The following CHRNA7 variants were observed in gnomAD, a reference collection of about 807,000 sequenced individuals.
CHRNA7 encodes the protein neuronal acetylcholine receptor subunit alpha-7.
CHRNA7 carries 17 observed loss-of-function variants against 48.0 expected under a neutral mutation model. The observed-to-expected ratio is 0.35, with a 90% CI of 0.24 to 0.53. The LOEUF (loss-of-function observed/expected upper bound fraction) is 0.53, where lower values mean the gene tolerates loss of function less well. Ranked by LOEUF, CHRNA7 falls within the 20% of genes least tolerant of loss-of-function variation. The probability of loss-of-function intolerance (pLI) is 0.92; values close to 1 mark genes in which losing one functional copy is unlikely to be tolerated. For synonymous variants in CHRNA7, 75 were observed against 242.3 expected (o/e 0.31, Z 6.41); for missense variants, 155 against 577.7 (o/e 0.27, Z 7.50).
intron 2 of CHRNA7, among the ~76,000 whole-genome samples, chr15:32,038,370 T>C (rs1275129153): frequency 6.6e-6 from 1 of 150,972 alleles, no homozygotes; most frequent in East Asian, 2.0e-4. Flanking sequence ...TATGTCAAAA[T>C]TGTTTTCATC....
intron 2 of CHRNA7, among the ~76,000 whole-genome samples, chr15:32,032,771 G>T (rs1901905419): frequency 6.6e-6 from 1 of 152,174 alleles, no homozygotes; most frequent in African/African-American, 2.4e-5. Context: ...TAGAGGAACA[G>T]GAGGAAGTCA....
At chr15:32,127,263 GCTTCT>G (rs1431404809) in intron 4 of CHRNA7, among the ~76,000 whole-genome samples, 2 of 152,120 alleles carry the variant, frequency 1.3e-5, no homozygotes, top group African/African-American at 4.8e-5. Context: ...TGCAATCATA[GCTTCT>G]ATAACATCCA....
In CHRNA7 at chr15:32,058,074, T is replaced by C. The variant is rs574066258; in HGVS notation, c.195+27037T>C. On this transcript the variant is annotated intron_variant, in intron 2 of 9. Transcript: ENST00000306901. ...CTTAGTGATTTAGGCCAGGGAGTGA[T>C]TTACACTGACTAGTGGTCCTAGGAG... Among the ~76,000 whole-genome samples, 22 of 152,296 alleles carry C rather than the reference T, an allele frequency of 1.4e-4. No homozygotes were observed. In the South Asian group the frequency reaches 4.6e-3, roughly 32 times the overall value.
intron 4 of CHRNA7, among the ~76,000 whole-genome samples, chr15:32,132,747 C>T (rs890708435): frequency 3.3e-5 from 5 of 152,140 alleles, no homozygotes; most frequent in African/African-American, 9.7e-5. Flanking sequence ...GAATAGGGCT[C>T]TACCCCTGTG....
At chr15:32,042,503 G>T (rs980753554) in intron 2 of CHRNA7, among the ~76,000 whole-genome samples, 4 of 152,174 alleles carry the variant, frequency 2.6e-5, no homozygotes, top group Admixed American at 2.6e-4. Flanking sequence ...AGAGCTTCTG[G>T]AGGTAAATCT....
chr15:32,095,330 A>G (rs1198679780), intron 2 of CHRNA7, among the ~76,000 whole-genome samples: 1 of 152,198 alleles, frequency 6.6e-6, no homozygotes, highest in Admixed American at 6.5e-5. Flanking sequence ...ACGTTATTGA[A>G]GATCCTCTAA....
chr15:32,066,253 G>C (rs748016467), intron 2 of CHRNA7, among the ~76,000 whole-genome samples: 1 of 152,104 alleles, frequency 6.6e-6, no homozygotes, highest in East Asian at 1.9e-4. Context: ...AGGGTTGGAG[G>C]ATATACTTTC....
At chr15:32,119,992 C>A (rs78340891) in intron 4 of CHRNA7, among the ~76,000 whole-genome samples, 1 of 152,292 alleles carries the variant, frequency 6.6e-6, no homozygotes, top group Admixed American at 6.5e-5. Flanking sequence ...CCTACTTGCC[C>A]GCAGCTCCTG....
At chr15:32,104,278 C>T (rs1386808017) in intron 3 of CHRNA7, among the ~76,000 whole-genome samples, 5 of 152,054 alleles carry the variant, frequency 3.3e-5, no homozygotes, top group African/African-American at 9.7e-5. Context: ...CCGTGCCCCC[C>T]CCTCAGGGCC....
chr15:32,104,409 G>A (rs1273650960), intron 3 of CHRNA7, among the ~76,000 whole-genome samples: 2 of 152,120 alleles, frequency 1.3e-5, no homozygotes, highest in South Asian at 2.1e-4. Context: ...TTTGAGCTCC[G>A]ATGTACTGTC....
At chr15:32,146,315 GT>G (rs1182716943) in intron 4 of CHRNA7, among the ~76,000 whole-genome samples, 1 of 152,148 alleles carries the variant, frequency 6.6e-6, no homozygotes, top group Non-Finnish European at 1.5e-5. Context: ...TGACATAGGG[GT>G]CTCACTTAAT....
intron 2 of CHRNA7, among the ~76,000 whole-genome samples, chr15:32,081,412 T>G (rs1376220154): frequency 6.6e-6 from 1 of 152,228 alleles, no homozygotes; most frequent in Non-Finnish European, 1.5e-5. Context: ...TTTGTTTATC[T>G]TTTTTATATT....
chr15:32,071,596 C>A (rs994218635), intron 2 of CHRNA7, among the ~76,000 whole-genome samples: 7 of 152,066 alleles, frequency 4.6e-5, no homozygotes, highest in African/African-American at 1.7e-4. Flanking sequence ...TGGAGCAGAT[C>A]CCTCATGAAT....
chr15:32,119,289 G>C (rs1014068570), intron 4 of CHRNA7, among the ~76,000 whole-genome samples: 16 of 152,230 alleles, frequency 1.1e-4, no homozygotes, highest in African/African-American at 2.4e-5. Context: ...TGCAGAATTG[G>C]TTTTAACATT....
intron 4 of CHRNA7, among the ~76,000 whole-genome samples, chr15:32,151,894 A>G (rs1048118808): frequency 2.0e-5 from 3 of 152,146 alleles, no homozygotes; most frequent in Admixed American, 6.5e-5. Flanking sequence ...AATCTCAGAC[A>G]TGGGAGAGGC....
chr15:32,135,533 C>T (rs904499112), intron 4 of CHRNA7, among the ~76,000 whole-genome samples: 4 of 152,174 alleles, frequency 2.6e-5, no homozygotes, highest in South Asian at 2.1e-4. Context: ...GCTTACGGTC[C>T]GCGCACAGTG....
At chr15:32,098,908 A>ACACACACT (rs1462502074) in intron 2 of CHRNA7, 27 of 153,794 alleles carry the variant, frequency 1.8e-4, no homozygotes, top group Non-Finnish European at 3.4e-4. Context: ...ACACACACAC[A>ACACACACT]CTTTTTATTC....
At chr15:32,148,449 A>G (rs1270677527) in intron 4 of CHRNA7, among the ~76,000 whole-genome samples, 1 of 152,204 alleles carries the variant, frequency 6.6e-6, no homozygotes, top group Non-Finnish European at 1.5e-5. Context: ...TCAATGCTAC[A>G]GAGCTGACTG....
intron 1 of CHRNA7, 116 bp downstream of exon 1, chr15:32,030,765 G>GGCAGCGGGGGC: frequency 6.6e-7 from 1 of 1,506,890 alleles, no homozygotes; most frequent in Non-Finnish European, 8.8e-7. Context: ...GCCGGGGAGG[G>GGCAGCGGGGGC]GCAGCGGGGG....
Sources: gnomAD v4.1 joint callset for allele counts (sites outside exome capture counted in the v4.1 genomes callset) on GRCh38, gnomAD v4.1.1 for gene constraint, MANE v1.5 for transcripts, NCBI Gene and HGNC (gene_info 2026-07-23, HGNC 2026-07-21) for gene names.